CREM: variants seen among roughly 807,000 people sequenced by gnomAD.
CREM encodes the protein cAMP-responsive element modulator.
Under a neutral mutation model 37.3 loss-of-function variants are expected in CREM, and 13 were observed. That is an observed-to-expected ratio of 0.35 (90% CI 0.23 to 0.55). CREM has a LOEUF of 0.55. Among genes scored for constraint, CREM ranks in the 20% least tolerant of loss-of-function variants. The pLI is 0.88. For synonymous variants in CREM, 124 were observed against 120.2 expected, an observed-to-expected ratio of 1.03 and a Z score of -0.21; for missense variants, 296 against 362.3, an observed-to-expected ratio of 0.82 and a Z score of 1.49.
At chr10:35,135,721 GAAAAAAAA>G (rs9336981) in intron 1 of CREM, among the ~76,000 whole-genome samples, 107 of 50,568 alleles carry the variant, frequency 2.1e-3, no homozygotes, top group African/African-American at 6.1e-3. Context: ...CCTATTTCTG[GAAAAAAAA>G]AAAAAAAAAA....
At chr10:35,180,172 C>T (rs552362862) in intron 5 of CREM, among the ~76,000 whole-genome samples, 1 of 152,222 alleles carries the variant, frequency 6.6e-6, no homozygotes, top group African/African-American at 2.4e-5. Flanking sequence ...AATATATTGA[C>T]AGCAGTCATG....
intron 7 of CREM, among the ~76,000 whole-genome samples, chr10:35,207,731 G>A (rs1465626028): frequency 6.6e-6 from 1 of 151,996 alleles, no homozygotes; most frequent in Non-Finnish European, 1.5e-5. Context: ...CTGAGGTCGC[G>A]CCACTGGACT....
At chr10:35,185,696 T>A (rs972250049) in intron 5 of CREM, among the ~76,000 whole-genome samples, 2 of 152,196 alleles carry the variant, frequency 1.3e-5, no homozygotes, top group African/African-American at 4.8e-5. Flanking sequence ...ACCCTGTTTT[T>A]AAAGTGTGTA....
chr10:35,198,549 T>C (rs1407898106), intron 6 of CREM, among the ~76,000 whole-genome samples: 2 of 152,054 alleles, frequency 1.3e-5, no homozygotes, highest in Non-Finnish European at 2.9e-5. Flanking sequence ...TAAATGACTA[T>C]AGTTTATGGG....
intron 3 of CREM, among the ~76,000 whole-genome samples, chr10:35,170,061 C>CA (rs2132645521): frequency 6.7e-6 from 1 of 149,322 alleles, no homozygotes; most frequent in East Asian, 2.0e-4. Context: ...CTCCTGGGTT[C>CA]ACGCCATTCT....
intron 3 of CREM, chr10:35,167,886 A>T (rs1488836747): frequency 1.6e-6 from 2 of 1,231,362 alleles, no homozygotes; most frequent in South Asian, 2.6e-5. Flanking sequence ...ATAAAATAAC[A>T]TCCATTTTAT....
At position 35,165,369 on chromosome 10, in the gene CREM, C is replaced by T. The variant is rs187470188; in HGVS notation, c.169-13520C>T. Among the ~76,000 whole-genome samples, 8 of 152,262 alleles carry T rather than the reference C, an allele frequency of 5.3e-5. 1 individual carries two copies. In the East Asian group the frequency reaches 1.5e-3, roughly 29 times the overall value. On this transcript the variant is annotated intron_variant, in intron 3 of 7. Transcript: ENST00000685392. The stretch of plus-strand genomic sequence containing the variant: ...GGGATCCCCCATGACCCAAACACCT[C>T]CCACAAGGCCCCACCTCCAACATTG...
intron 1 of CREM, among the ~76,000 whole-genome samples, chr10:35,134,307 C>G (rs1362317865): frequency 6.6e-6 from 1 of 152,218 alleles, no homozygotes; most frequent in Non-Finnish European, 1.5e-5. Context: ...ACCTCTGCCT[C>G]TTGGGTTCAA....
At chr10:35,163,508 A>AC (rs1266046773) in intron 3 of CREM, among the ~76,000 whole-genome samples, 1 of 152,110 alleles carries the variant, frequency 6.6e-6, no homozygotes, top group Admixed American at 6.6e-5. Flanking sequence ...ACATAGGGAG[A>AC]CCATGTCTCT....
chr10:35,181,895 C>T (rs2094367411), intron 5 of CREM, among the ~76,000 whole-genome samples: 1 of 152,184 alleles, frequency 6.6e-6, no homozygotes, highest in East Asian at 1.9e-4. Flanking sequence ...ACAAAAAAAA[C>T]ACATCTGTCT....
chr10:35,169,965 C>CTTTTT (rs71033381), intron 3 of CREM, among the ~76,000 whole-genome samples: 2 of 135,548 alleles, frequency 1.5e-5, no homozygotes, highest in African/African-American at 2.7e-5. Context: ...GGTGGAGAAG[C>CTTTTT]TTTTTTTTTT....
At chr10:35,179,044 A>G (rs2094231906) in intron 4 of CREM, 58 bp downstream of exon 4, 3 of 1,540,758 alleles carry the variant, frequency 1.9e-6, no homozygotes, top group Non-Finnish European at 1.8e-6. Flanking sequence ...TAGAATAATT[A>G]TACATCAAAT....
intron 6 of CREM, among the ~76,000 whole-genome samples, chr10:35,192,334 C>CTTGTT (rs1000645708): frequency 6.6e-6 from 1 of 152,088 alleles, no homozygotes; most frequent in Non-Finnish European, 1.5e-5. Context: ...CTGCATTGCA[C>CTTGTT]TTGTTTTGTT....
chr10:35,172,295 G>T (rs1275193370), intron 3 of CREM, among the ~76,000 whole-genome samples: 1 of 152,192 alleles, frequency 6.6e-6, no homozygotes, highest in African/African-American at 2.4e-5. Context: ...GAAAGCCAGG[G>T]TGTAGGGGCT....
intron 2 of CREM, among the ~76,000 whole-genome samples, chr10:35,144,465 G>A (rs1380120852): frequency 1.3e-5 from 2 of 152,176 alleles, no homozygotes; most frequent in African/African-American, 2.4e-5. Flanking sequence ...GGAGGGAGGT[G>A]TGTGTAAATA....
chr10:35,204,295 T>C (rs1033166480), intron 6 of CREM, among the ~76,000 whole-genome samples: 6 of 152,234 alleles, frequency 3.9e-5, no homozygotes, highest in Non-Finnish European at 8.8e-5. Context: ...TTTATTCATA[T>C]GCTGGTGATC....
intron 3 of CREM, chr10:35,152,439 T>C (rs929717741): frequency 1.3e-5 from 2 of 152,226 alleles, no homozygotes; most frequent in African/African-American, 4.8e-5. Flanking sequence ...TATAACTTTG[T>C]AGTAATAAAT....
chr10:35,132,643 A>G (rs565428062), intron 1 of CREM, among the ~76,000 whole-genome samples: 39 of 152,188 alleles, frequency 2.6e-4, no homozygotes, highest in African/African-American at 4.3e-4. Context: ...TTATTTTTTG[A>G]AAGTTACTGT....
intron 1 of CREM, among the ~76,000 whole-genome samples, chr10:35,136,448 C>A (rs1275411293): frequency 1.3e-5 from 2 of 152,120 alleles, no homozygotes; most frequent in African/African-American, 4.8e-5. Flanking sequence ...GTGTAGCATA[C>A]AATGAGGTTT....
Sources: allele counts gnomAD v4.1 joint callset (sites outside exome capture counted in the v4.1 genomes callset), GRCh38; gene constraint gnomAD v4.1.1; transcripts MANE v1.5; gene names NCBI Gene and HGNC (gene_info 2026-07-23, HGNC 2026-07-21).